TNNI3K: variants seen among roughly 807,000 people sequenced by gnomAD.
TNNI3K encodes the protein serine/threonine-protein kinase TNNI3K.
In TNNI3K, 140 loss-of-function variants were observed where a neutral mutation model predicts 114.5. That is an observed-to-expected ratio of 1.22 (90% CI 1.07 to 1.41). The LOEUF is 1.41. TNNI3K is among the 40% of genes most tolerant of loss of function. The pLI, the probability that TNNI3K is intolerant of heterozygous loss-of-function variation, is 0.00. For missense variants in TNNI3K, 1,125 were observed against 1,007.6 expected, an observed-to-expected ratio of 1.12 and a Z score of -1.58; for synonymous variants, 347 against 347.5, an observed-to-expected ratio of 1.00 and a Z score of 0.02.
intron 6 of TNNI3K, among the ~76,000 whole-genome samples, chr1:74,332,481 T>C (rs920078895): frequency 1.3e-5 from 2 of 152,042 alleles, no homozygotes; most frequent in African/African-American, 4.8e-5. Context: ...TTTGTATATT[T>C]AGTAGAGACG....
At chr1:74,528,914 A>C (rs1057222899) in intron 23 of TNNI3K, among the ~76,000 whole-genome samples, 2 of 152,220 alleles carry the variant, frequency 1.3e-5, no homozygotes, top group African/African-American at 4.8e-5. Context: ...AAAACAAGAA[A>C]ATAAGCCTGA....
At chr1:74,398,532 C>G (rs958699551) in intron 17 of TNNI3K, among the ~76,000 whole-genome samples, 1 of 152,172 alleles carries the variant, frequency 6.6e-6, no homozygotes, top group African/African-American at 2.4e-5. Flanking sequence ...TCAAAGCATT[C>G]AAGTAGATTT....
At chr1:74,341,305 G>C (rs138158445) in intron 7 of TNNI3K, among the ~76,000 whole-genome samples, 1 of 152,142 alleles carries the variant, frequency 6.6e-6, no homozygotes, top group East Asian at 1.9e-4. Flanking sequence ...AAATTTCTAA[G>C]ATGGACATTA....
intron 21 of TNNI3K, among the ~76,000 whole-genome samples, chr1:74,484,172 C>T (rs1668638399): frequency 7.1e-6 from 1 of 141,736 alleles, no homozygotes; most frequent in South Asian, 2.2e-4. Context: ...ATTTTATGTT[C>T]AAAAAAGACA....
intron 17 of TNNI3K, among the ~76,000 whole-genome samples, chr1:74,384,015 A>G (rs1358376): frequency 1 from 151,652 of 152,060 alleles, 75,624 homozygotes; most frequent in Middle Eastern, 1. Context: ...CAAAACAGGA[A>G]CAGTAGTCAG....
In TNNI3K at chr1:74,369,283, A is replaced by T; in HGVS notation, c.1472+19A>T. Reference sequence around the variant, plus strand: ...TAAAACGGTAAGCAAGCAAATGAAAAAATTTAACATCCAGGTGGAATTGTG... The same window carrying T: ...TAAAACGGTAAGCAAGCAAATGAAATAATTTAACATCCAGGTGGAATTGTG... On this transcript the variant is annotated intron_variant, in intron 15 of 24. Coordinates refer to ENST00000326637, the MANE Select transcript of TNNI3K (RefSeq NM_015978.3). 6.2e-7 allele frequency: 1 copy of T among 1,611,704 alleles called. No homozygotes were observed. The highest frequency in any genetic ancestry group is 8.5e-7 in the Non-Finnish European group (1 of 1,178,904).
rs45482894 is a variant in TNNI3K, at chr1:74,356,008, A to G, written c.1177+1879A>G. Among the ~76,000 whole-genome samples, 593 of 152,278 alleles carry G rather than the reference A, an allele frequency of 3.9e-3. 5 individuals are homozygous for G. Among genetic ancestry groups the G allele is most frequent in the African/African-American group, 0.013 (560 of 41,552 alleles). On this transcript the variant is annotated intron_variant, in intron 11 of 24. Transcript: ENST00000326637. ...CCCAAATGAAGAAACTGAACATAAC[A>G]AGTCCCCTAAAAGCCCCATTGACAT...
chr1:74,510,977 T>G (rs1321713870), intron 23 of TNNI3K, among the ~76,000 whole-genome samples: 1 of 152,162 alleles, frequency 6.6e-6, no homozygotes, highest in Non-Finnish European at 1.5e-5. Context: ...AACCTCTGCC[T>G]CCCAGGTTCA....
intron 5 of TNNI3K, among the ~76,000 whole-genome samples, chr1:74,289,485 T>TCAATTACA (rs1657544702): frequency 4.0e-4 from 1 of 2,496 alleles, no homozygotes; most frequent in African/African-American, 8.0e-4. Context: ...CCATAGGTAG[T>TCAATTACA]GTCATTAGTC....
intron 17 of TNNI3K, among the ~76,000 whole-genome samples, chr1:74,415,238 A>G (rs74093565): frequency 0.023 from 3,459 of 152,130 alleles, 125 homozygotes; most frequent in African/African-American, 0.08. Flanking sequence ...CCTATTAGTG[A>G]GTCCTTCCCT....
At chr1:74,473,420 T>C (rs192549678) in intron 21 of TNNI3K, among the ~76,000 whole-genome samples, 35 of 152,144 alleles carry the variant, frequency 2.3e-4, no homozygotes, top group Admixed American at 2.1e-3. Flanking sequence ...TTTCATGAAA[T>C]TTTTTCATCC....
chr1:74,237,965 T>C (rs920252405), intron 2 of TNNI3K, among the ~76,000 whole-genome samples: 1 of 151,988 alleles, frequency 6.6e-6, no homozygotes, highest in East Asian at 1.9e-4. Flanking sequence ...CAGTAAATTC[T>C]GGAATGTGAT....
intron 6 of TNNI3K, 28 bp downstream of exon 6, chr1:74,331,576 G>A: frequency 1.3e-6 from 2 of 1,589,610 alleles, no homozygotes; most frequent in Non-Finnish European, 1.7e-6. Context: ...ATTTCCAAAG[G>A]TTAGGTGTTG....
intron 23 of TNNI3K, among the ~76,000 whole-genome samples, chr1:74,528,793 G>A (rs962324664): frequency 6.6e-6 from 1 of 152,164 alleles, no homozygotes; most frequent in Non-Finnish European, 1.5e-5. Context: ...CACTTCAACT[G>A]CAGGAACACA....
chr1:74,330,648 A>C (rs1029492698), intron 5 of TNNI3K, among the ~76,000 whole-genome samples: 1 of 152,102 alleles, frequency 6.6e-6, no homozygotes, highest in Admixed American at 6.6e-5. Context: ...TCTCTTATTT[A>C]TCTGCCTTTT....
intron 17 of TNNI3K, among the ~76,000 whole-genome samples, chr1:74,385,717 A>G (rs537512225): frequency 5.3e-5 from 8 of 152,338 alleles, no homozygotes; most frequent in African/African-American, 1.9e-4. Flanking sequence ...TCCAAGCACC[A>G]TAAACACTGA....
chr1:74,317,746 C>A (rs1397125656), intron 5 of TNNI3K, among the ~76,000 whole-genome samples: 1 of 152,128 alleles, frequency 6.6e-6, no homozygotes, highest in Non-Finnish European at 1.5e-5. Flanking sequence ...AGGAGGTTTT[C>A]CAGTCTGGGT....
chr1:74,483,230 G>A (rs1240489699), intron 21 of TNNI3K: 1 of 715,964 alleles, frequency 1.4e-6, no homozygotes, highest in South Asian at 1.5e-5. Context: ...GGTACACTGA[G>A]CACTGCTTTT....
chr1:74,428,472 A>G (rs1021836439), intron 17 of TNNI3K, among the ~76,000 whole-genome samples: 1 of 152,140 alleles, frequency 6.6e-6, no homozygotes, highest in Non-Finnish European at 1.5e-5. Context: ...GGGGAAGTCT[A>G]CATTTGAGGT....
Sources: gnomAD v4.1 joint callset for allele counts (sites outside exome capture counted in the v4.1 genomes callset) on GRCh38, gnomAD v4.1.1 for gene constraint, MANE v1.5 for transcripts, NCBI Gene and HGNC (gene_info 2026-07-23, HGNC 2026-07-21) for gene names.